Variants in H2BC18 observed in about 807,000 individuals in gnomAD.
H2BC18 encodes the protein histone H2B type 2-F.
Under a neutral mutation model 6.3 loss-of-function variants are expected in H2BC18, and 8 were observed. The observed-to-expected ratio is 1.28, with a 90% confidence interval of 0.75 to 2.31. The LOEUF (loss-of-function observed/expected upper bound fraction) is 2.31. Ranked by LOEUF, H2BC18 falls within the 30% of genes most tolerant of loss-of-function variation. H2BC18 has a pLI of 0.00. For synonymous variants in H2BC18, 104 were observed against 78.1 expected (o/e 1.33, Z -1.75); for missense variants, 106 against 174.5 (o/e 0.61, Z 2.21).
At chr1:149,795,251 AAAATAAATAAAT>A (rs59487657) in intron 1 of H2BC18, among the ~76,000 whole-genome samples, 1,402 of 107,730 alleles carry the variant, frequency 0.013, 3 homozygotes, top group Middle Eastern at 0.026. Flanking sequence ...CCCTGTCTCA[AAAATAAATAAAT>A]AAATAAATAA....
At chr1:149,796,830 G>A (rs1436002985) in intron 1 of H2BC18, among the ~76,000 whole-genome samples, 4 of 152,076 alleles carry the variant, frequency 2.6e-5, no homozygotes, top group Non-Finnish European at 5.9e-5. Flanking sequence ...ACACTCAGTC[G>A]GTGGCTTTTA....
chr1:149,782,783 G>C, exon 2 of H2BC18: 1 of 1,569,140 alleles, frequency 6.4e-7, no homozygotes, highest in Non-Finnish European at 8.7e-7. Context: ...GGGTAAGTTG[G>C]ACTCAGAGGG....
intron 1 of H2BC18, among the ~76,000 whole-genome samples, chr1:149,796,818 TCA>T (rs2091805406): frequency 6.6e-6 from 1 of 152,276 alleles, no homozygotes. Context: ...TGTCATTGCC[TCA>T]CACTCAGTCG....
chr1:149,807,514 G>GC (rs1361432840), downstream of H2BC18, among the ~76,000 whole-genome samples: 1 of 59,848 alleles, frequency 1.7e-5, no homozygotes, highest in Non-Finnish European at 3.4e-5. Flanking sequence ...GGCATGGCGG[G>GC]GGGGGGGGGG....
At position 149,812,214 on chromosome 1, in the gene H2BC18, C is replaced by G. The variant is rs782553687; in HGVS notation, c.110G>C (p.Ser37Thr). ...GKKRKRSRKESYSVYVYKVLK... is the reference protein window; with the variant it reads ...GKKRKRSRKETYSVYVYKVLK... ...CACCTTGTACACGTAAACGGAGTAG[C>G]TCTCCTTGCGGCTGCGCTTGCGCTT... Residue 37 changes from serine (S) to threonine (T), a missense_variant, in exon 1 of 1, where the codon AGC (serine) becomes ACC (threonine). By Grantham distance (58) the Ser-to-Thr change is moderately conservative. Around this residue, in one of 3 missense-constraint regions of H2BC18, gnomAD observed 70 missense variants for 64.6 expected, o/e 1.08. Transcript: ENST00000369167. The G allele has an allele frequency of 2.7e-5, 43 of 1,614,166 alleles. No individual in the cohort carries two copies. The highest frequency in any genetic ancestry group is 3.5e-5 in the Non-Finnish European group (41 of 1,180,062).
chr1:149,792,992 G>C (rs1239383039), intron 1 of H2BC18: 3 of 1,275,978 alleles, frequency 2.4e-6, no homozygotes, highest in Non-Finnish European at 3.0e-6. Context: ...GGCCTCCCCA[G>C]GCGCGTAGCT....
chr1:149,793,259 G>A, intron 1 of H2BC18: 1 of 1,248,088 alleles, frequency 8.0e-7, no homozygotes, highest in South Asian at 1.3e-5. Flanking sequence ...CAGGGAGGGA[G>A]CGGGTGGGGA....
Position 149,812,086 on chromosome 1 carries a change from G to T in H2BC18, c.238C>A (p.Arg80Ser), listed in dbSNP as rs587762088. 1 of 1,614,254 alleles carries T rather than the reference G, an allele frequency of 6.2e-7. No homozygotes were observed. Among genetic ancestry groups the T allele is most frequent in the Admixed American group, 1.7e-5 (1 of 60,026 alleles). ...IFERIAGEAS[R>S]LAHYNKRSTI... ...GAGCGCTTGTTGTAGTGCGCCAGGC[G>T]GGACGCCTCTCCCGCGATGCGCTCG... Residue 80 changes from arginine to serine, a missense_variant, in exon 1 of 1, where the codon CGC (arginine) becomes AGC (serine). This residue lies in a region of H2BC18 where 35 missense variants were observed against 72.3 expected (regional missense o/e 0.48). Transcript: ENST00000369167.
downstream of H2BC18, among the ~76,000 whole-genome samples, chr1:149,809,991 T>C (rs1398003191): frequency 6.6e-6 from 1 of 150,794 alleles, no homozygotes; most frequent in Non-Finnish European, 1.5e-5. Context: ...GGCTAGATAA[T>C]AGGTGGCCTT....
chr1:149,792,823 C>T lies in H2BC18; in HGVS notation c.378-9563G>A, dbSNP rs1425976844. The T allele has an allele frequency of 7.0e-6, 9 of 1,278,634 alleles. 1 individual carries two copies. In the Admixed American group the frequency reaches 2.1e-4, roughly 30 times the overall value. The allele number at this position is 1,278,634 out of a possible 1,614,324, so 79.2% of individuals were successfully genotyped here. ...TGTAGGAGTCGGTGGGCAGCAACGG[C>T]GGCAGGCGGATGGAAGAGAGCAAGG... is the stretch of plus-strand genomic sequence containing the variant. On this transcript the variant is annotated intron_variant, in intron 1 of 1. Coordinates refer to the H2BC18 transcript ENST00000545683.
At chr1:149,786,629 C>T (rs1357250558) in intron 1 of H2BC18, 2 of 151,910 alleles carry the variant, frequency 1.3e-5, no homozygotes, top group South Asian at 2.1e-4. Flanking sequence ...ATATGGCTGA[C>T]ACCAAAGTCA....
intron 1 of H2BC18, among the ~76,000 whole-genome samples, chr1:149,803,120 A>G (rs1212443485): frequency 1.3e-5 from 2 of 152,138 alleles, no homozygotes; most frequent in Non-Finnish European, 2.9e-5. Flanking sequence ...GAATTTTCTT[A>G]AGAACACTGA....
downstream of H2BC18, chr1:149,810,995 T>C (rs2091966538): frequency 6.6e-6 from 1 of 152,148 alleles, no homozygotes; most frequent in African/African-American, 2.4e-5. Context: ...GGAGGAAGTA[T>C]TTTCCTGTGG....
intron 1 of H2BC18, among the ~76,000 whole-genome samples, chr1:149,795,296 AAATG>A (rs1299604637): frequency 6.1e-5 from 9 of 146,480 alleles, no homozygotes; most frequent in Non-Finnish European, 9.0e-5. Context: ...ATAAATAAAT[AAATG>A]ATTATTACCA....
downstream of H2BC18, chr1:149,810,618 G>T (rs1397769133): frequency 2.0e-5 from 3 of 151,924 alleles, no homozygotes; most frequent in Admixed American, 1.3e-4. Flanking sequence ...ACTGGCTTTT[G>T]TCAGGATGAG....
intron 1 of H2BC18, among the ~76,000 whole-genome samples, chr1:149,801,362 C>A (rs1260484944): frequency 1.3e-5 from 2 of 151,248 alleles, no homozygotes; most frequent in African/African-American, 4.9e-5. Context: ...CTTCAGGACA[C>A]AATCTTGAAT....
At chr1:149,784,603 A>C (rs1205919945) in intron 1 of H2BC18, among the ~76,000 whole-genome samples, 1 of 151,192 alleles carries the variant, frequency 6.6e-6, no homozygotes, top group Non-Finnish European at 1.5e-5. Flanking sequence ...CCCACCCAAA[A>C]CCTAGATCTG....
At chr1:149,796,948 T>C (rs764241296) in intron 1 of H2BC18, among the ~76,000 whole-genome samples, 33 of 152,248 alleles carry the variant, frequency 2.2e-4, no homozygotes, top group Non-Finnish European at 4.0e-4. Flanking sequence ...AGTTTCGTTG[T>C]GTCACCCAGG....
downstream of H2BC18, among the ~76,000 whole-genome samples, chr1:149,806,940 G>A (rs2091922573): frequency 6.6e-6 from 1 of 152,132 alleles, no homozygotes; most frequent in Non-Finnish European, 1.5e-5. Context: ...AGGGTTTTCT[G>A]TTGAGGAGGA....
Sources: allele counts gnomAD v4.1 joint callset (sites outside exome capture counted in the v4.1 genomes callset), GRCh38; gene constraint gnomAD v4.1.1; regional missense constraint gnomAD v4.1.1; transcripts MANE v1.5; gene names NCBI Gene and HGNC (gene_info 2026-07-23, HGNC 2026-07-21).